RAD51B: variants seen among roughly 807,000 people sequenced by gnomAD.
RAD51B encodes RAD51 paralog B.
Under a neutral mutation model 42.2 loss-of-function variants are expected in RAD51B, and 38 were observed. That is an observed-to-expected ratio of 0.90 (90% CI 0.70 to 1.18). The LOEUF is 1.18. RAD51B is among the 50% of genes most tolerant of loss of function. The probability of loss-of-function intolerance (pLI) is 0.00; values close to 1 mark genes in which losing one functional copy is unlikely to be tolerated. For synonymous variants in RAD51B, 154 were observed against 145.2 expected, an observed-to-expected ratio of 1.06 and a Z score of -0.43; for missense variants, 373 against 400.7, an observed-to-expected ratio of 0.93 and a Z score of 0.59.
At chr14:68,033,958 A>G (rs1197166595) in intron 7 of RAD51B, among the ~76,000 whole-genome samples, 1 of 152,188 alleles carries the variant, frequency 6.6e-6, no homozygotes, top group Non-Finnish European at 1.5e-5. Flanking sequence ...AATCACAGTC[A>G]TTTGATTGTT....
At chr14:68,077,106 G>A (rs1330994372) in intron 7 of RAD51B, among the ~76,000 whole-genome samples, 1 of 152,202 alleles carries the variant, frequency 6.6e-6, no homozygotes, top group Admixed American at 6.5e-5. Flanking sequence ...TAAAATGGTG[G>A]TAGGGATGGG....
chr14:68,592,279 GTGTGTGTA>G (rs1292792988), intron 10 of RAD51B, among the ~76,000 whole-genome samples: 226 of 151,172 alleles, frequency 1.5e-3, no homozygotes, highest in African/African-American at 5.2e-3. Context: ...GTGTGTGTGT[GTGTGTGTA>G]TGTGTGTGTA....
At chr14:68,357,314 G>A (rs971625854) in intron 8 of RAD51B, among the ~76,000 whole-genome samples, 1 of 152,064 alleles carries the variant, frequency 6.6e-6, no homozygotes, top group Admixed American at 6.6e-5. Context: ...TCACATATTC[G>A]GGCTCCATTT....
intron 8 of RAD51B, among the ~76,000 whole-genome samples, chr14:68,351,270 G>C (rs1355787278): frequency 1.3e-5 from 2 of 152,164 alleles, no homozygotes; most frequent in Non-Finnish European, 2.9e-5. Flanking sequence ...TAGACTAAGG[G>C]AACAGCATGA....
At chr14:67,841,326 C>T (rs1399084375) in intron 4 of RAD51B, among the ~76,000 whole-genome samples, 1 of 152,144 alleles carries the variant, frequency 6.6e-6, no homozygotes, top group Non-Finnish European at 1.5e-5. Flanking sequence ...GGATATTAGA[C>T]CTTTGTCACA....
At chr14:67,872,656 G>A (rs971646069) in intron 5 of RAD51B, among the ~76,000 whole-genome samples, 8 of 151,984 alleles carry the variant, frequency 5.3e-5, no homozygotes, top group African/African-American at 1.9e-4. Context: ...AAAGAACAAG[G>A]CTGGAGGCAT....
At chr14:68,627,011 C>T (rs960763233) in intron 10 of RAD51B, among the ~76,000 whole-genome samples, 1 of 152,188 alleles carries the variant, frequency 6.6e-6, no homozygotes, top group African/African-American at 2.4e-5. Flanking sequence ...AGTCCCACCC[C>T]AGCCTGTTTT....
intron 7 of RAD51B, among the ~76,000 whole-genome samples, chr14:68,241,802 C>T (rs2080394549): frequency 6.6e-6 from 1 of 152,160 alleles, no homozygotes; most frequent in Non-Finnish European, 1.5e-5. Context: ...AGTCATGTCT[C>T]CCTTCATGAA....
chr14:68,340,750 T>G (rs2139835105), intron 8 of RAD51B, among the ~76,000 whole-genome samples: 1 of 152,204 alleles, frequency 6.6e-6, no homozygotes, highest in African/African-American at 2.4e-5. Context: ...GAAGGGGAGG[T>G]TTTCCCTAGG....
intron 8 of RAD51B, among the ~76,000 whole-genome samples, chr14:68,377,040 G>T (rs776785423): frequency 2.0e-5 from 3 of 152,156 alleles, no homozygotes; most frequent in Non-Finnish European, 4.4e-5. Flanking sequence ...AAATGGAAGG[G>T]TTTACTATAT....
rs970583342 is a variant in RAD51B, at chr14:68,280,924, G to A, written c.757-10960G>A. 2.0e-5 allele frequency among the ~76,000 whole-genome samples: 3 copies of A among 152,214 alleles called. No homozygotes were observed. In the South Asian group the frequency reaches 6.2e-4, roughly 32 times the overall value. On this transcript the variant is annotated intron_variant, in intron 7 of 10. Transcript: ENST00000471583. ...AATAAAACATTGGCCGGGTGTGGTG[G>A]TGCATGCCTCTGTTCCCAGCTCCTC...
intron 7 of RAD51B, among the ~76,000 whole-genome samples, chr14:68,130,546 C>T: frequency 6.6e-6 from 1 of 152,204 alleles, no homozygotes. Context: ...TATAGCATAT[C>T]TTGGATTAAA....
At chr14:68,409,463 T>C (rs888024733) in intron 8 of RAD51B, among the ~76,000 whole-genome samples, 1 of 152,176 alleles carries the variant, frequency 6.6e-6, no homozygotes, top group Non-Finnish European at 1.5e-5. Context: ...AGAAAAAATG[T>C]GGTCATGCCC....
intron 7 of RAD51B, among the ~76,000 whole-genome samples, chr14:68,025,636 C>G (rs1342730227): frequency 6.6e-6 from 1 of 151,860 alleles, no homozygotes; most frequent in African/African-American, 2.4e-5. Flanking sequence ...TATCCACTTT[C>G]TCTAGATCTT....
chr14:68,452,010 G>T (rs879506593), intron 9 of RAD51B, among the ~76,000 whole-genome samples: 9 of 152,158 alleles, frequency 5.9e-5, no homozygotes, highest in Non-Finnish European at 1.2e-4. Context: ...TTCCTTCTGT[G>T]ACCCTTGAAG....
At chr14:68,407,371 A>G (rs2084306091) in intron 8 of RAD51B, among the ~76,000 whole-genome samples, 1 of 152,240 alleles carries the variant, frequency 6.6e-6, no homozygotes, top group Non-Finnish European at 1.5e-5. Flanking sequence ...ATTATGTACT[A>G]TGCATAACTG....
At chr14:68,535,738 A>C (rs982569300) in intron 10 of RAD51B, among the ~76,000 whole-genome samples, 1 of 152,190 alleles carries the variant, frequency 6.6e-6, no homozygotes, top group African/African-American at 2.4e-5. Flanking sequence ...AAAAATGAGT[A>C]TGTGTAACTG....
At position 68,466,525 on chromosome 14, in the gene RAD51B, G is replaced by A. The variant is rs35833579; in HGVS notation, c.958-1647G>A. On this transcript the variant is annotated intron_variant, in intron 9 of 10. Coordinates refer to ENST00000471583, the MANE Select transcript of RAD51B (RefSeq NM_133510.4). Reference sequence around the variant, plus strand: ...CTGCCCTGAGAGGACTGGTGACCCCGAGTGGGAGACACTGATGCTCTCTGA... The same window carrying A: ...CTGCCCTGAGAGGACTGGTGACCCCAAGTGGGAGACACTGATGCTCTCTGA... 1.2e-3 allele frequency among the ~76,000 whole-genome samples: 185 copies of A among 152,292 alleles called. 4 individuals carry two copies. The East Asian group carries it at 0.031, about 26-fold the overall frequency.
chr14:68,670,370 A>G (rs370424325), intron 11 of RAD51B, among the ~76,000 whole-genome samples: 1 of 152,016 alleles, frequency 6.6e-6, no homozygotes. Context: ...CCCCCGGCCC[A>G]CCCCTCTGCA....
Sources: gnomAD v4.1 joint callset for allele counts (sites outside exome capture counted in the v4.1 genomes callset) on GRCh38, gnomAD v4.1.1 for gene constraint, MANE v1.5 for transcripts, NCBI Gene and HGNC (gene_info 2026-07-23, HGNC 2026-07-21) for gene names.